Variants in JAZF1 observed in about 807,000 individuals in gnomAD.
The protein encoded by JAZF1 is juxtaposed with another zinc finger protein 1.
JAZF1 carries 8 observed loss-of-function variants against 26.4 expected under a neutral mutation model. The observed-to-expected ratio is 0.30, with a 90% CI of 0.18 to 0.55. The LOEUF is 0.55. Among genes scored for constraint, JAZF1 ranks in the 20% least tolerant of loss-of-function variants. The pLI, the probability that JAZF1 is intolerant of heterozygous loss-of-function variation, is 0.94. For synonymous variants in JAZF1, 126 were observed against 122.3 expected, an observed-to-expected ratio of 1.03 and a Z score of -0.20; for missense variants, 199 against 322.0, an observed-to-expected ratio of 0.62 and a Z score of 2.92.
chr7:27,854,877 C>G (rs957030774), intron 3 of JAZF1, among the ~76,000 whole-genome samples: 24 of 152,100 alleles, frequency 1.6e-4, no homozygotes, highest in African/African-American at 5.3e-4. Flanking sequence ...TTGTAGTATT[C>G]TCTGTATTTC....
At position 28,101,576 on chromosome 7, in the gene JAZF1, T is replaced by TAAA. The variant is rs56321937; in HGVS notation, c.115+78884_115+78886dup. ...AGCATAATGAGACTCATTTCTATAT[T>TAAA]AAAAAAAAAAAAAAAAAAAAAGCCT... On this transcript the variant is annotated intron_variant, in intron 1 of 4. Coordinates refer to ENST00000283928, the MANE Select transcript of JAZF1 (RefSeq NM_175061.4). Among the ~76,000 whole-genome samples, 157 of 97,962 alleles carry TAAA rather than the reference T, an allele frequency of 1.6e-3. 10 individuals carry two copies. The highest frequency in any genetic ancestry group is 5.7e-3 in the African/African-American group (135 of 23,736). 64.3% of individuals were successfully genotyped at this position (97,962 alleles called of 152,430 possible).
chr7:28,052,969 TACA>T (rs2128380552), intron 1 of JAZF1, among the ~76,000 whole-genome samples: 1 of 152,314 alleles, frequency 6.6e-6, no homozygotes, highest in East Asian at 1.9e-4. Flanking sequence ...GGAAACTCTA[TACA>T]ATTAAATACT....
intron 1 of JAZF1, among the ~76,000 whole-genome samples, chr7:28,148,048 G>C (rs1192401816): frequency 3.3e-5 from 5 of 150,974 alleles, no homozygotes; most frequent in African/African-American, 1.2e-4. Context: ...TATATAATGT[G>C]GTATGTCACT....
chr7:28,034,792 G>T (rs1420009622), intron 1 of JAZF1, among the ~76,000 whole-genome samples: 1 of 152,162 alleles, frequency 6.6e-6, no homozygotes, highest in Admixed American at 6.5e-5. Context: ...CAGAAACAGA[G>T]ATCTGGATGA....
chr7:28,043,016 T>A (rs73683946), intron 1 of JAZF1, among the ~76,000 whole-genome samples: 2 of 152,130 alleles, frequency 1.3e-5, no homozygotes, highest in Non-Finnish European at 2.9e-5. Flanking sequence ...AGTCTCCTGC[T>A]GTACTATGAT....
In JAZF1 at chr7:28,110,205, C is replaced by T. The variant is rs895871089; in HGVS notation, c.115+70258G>A. 4.6e-5 allele frequency among the ~76,000 whole-genome samples: 7 copies of T among 152,152 alleles called. No individual in the cohort carries two copies. The South Asian group carries it at 1.0e-3, about 23-fold the overall frequency. ...CTTTGGGAGGCCAAGGTGGGCAGAT[C>T]ACCTGAGGTCAGGAGTTCGAGACCA... On this transcript the variant is annotated intron_variant, in intron 1 of 4. Coordinates refer to ENST00000283928, the MANE Select transcript of JAZF1 (RefSeq NM_175061.4).
chr7:28,001,351 C>CA (rs929409305), intron 1 of JAZF1, among the ~76,000 whole-genome samples: 48 of 146,456 alleles, frequency 3.3e-4, no homozygotes, highest in Non-Finnish European at 6.0e-4. Flanking sequence ...GACCCTGTCT[C>CA]AAAAAAAACA....
At chr7:28,099,576 A>G (rs1784438763) in intron 1 of JAZF1, among the ~76,000 whole-genome samples, 1 of 152,092 alleles carries the variant, frequency 6.6e-6, no homozygotes, top group African/African-American at 2.4e-5. Context: ...TCCCAGGTTC[A>G]AGCATTTCTC....
At chr7:28,023,857 T>C (rs1783046632) in intron 1 of JAZF1, among the ~76,000 whole-genome samples, 1 of 152,188 alleles carries the variant, frequency 6.6e-6, no homozygotes, top group African/African-American at 2.4e-5. Context: ...GCTATAGATA[T>C]AAATGCTTCA....
chr7:27,857,574 A>C (rs1197757708), intron 3 of JAZF1, among the ~76,000 whole-genome samples: 2 of 152,256 alleles, frequency 1.3e-5, no homozygotes, highest in African/African-American at 4.8e-5. Flanking sequence ...CACCTCTCAC[A>C]AGGCTGGTTC....
intron 1 of JAZF1, among the ~76,000 whole-genome samples, chr7:28,041,776 C>T (rs981983400): frequency 2.6e-5 from 4 of 152,194 alleles, no homozygotes; most frequent in Non-Finnish European, 5.9e-5. Context: ...CTGAGATACT[C>T]ATCTTGAGTA....
intron 1 of JAZF1, among the ~76,000 whole-genome samples, chr7:28,151,053 C>A (rs1783104417): frequency 6.6e-6 from 1 of 151,826 alleles, no homozygotes; most frequent in Non-Finnish European, 1.5e-5. Flanking sequence ...GGAAAGGCAT[C>A]CAAATGTTAA....
At chr7:27,913,480 A>T (rs927848813) in intron 2 of JAZF1, 7 of 390,194 alleles carry the variant, frequency 1.8e-5, no homozygotes, top group African/African-American at 1.6e-4. Flanking sequence ...GTGGGGAACA[A>T]AGAGACCCCA....
intron 1 of JAZF1, among the ~76,000 whole-genome samples, chr7:28,022,376 C>T (rs1419276751): frequency 6.6e-6 from 1 of 152,200 alleles, no homozygotes; most frequent in Non-Finnish European, 1.5e-5. Context: ...CCACCTTTTC[C>T]TGACCGTTCT....
At chr7:27,845,319 T>C (rs1276651959) in intron 3 of JAZF1, among the ~76,000 whole-genome samples, 8 of 152,160 alleles carry the variant, frequency 5.3e-5, no homozygotes, top group Non-Finnish European at 1.2e-4. Context: ...TGGGGAACTC[T>C]GGACTGGGGG....
chr7:27,954,455 G>A (rs1033258960), intron 2 of JAZF1, among the ~76,000 whole-genome samples: 1 of 152,126 alleles, frequency 6.6e-6, no homozygotes, highest in Middle Eastern at 3.2e-3. Context: ...CTTTGGCAGG[G>A]CATCCTTGTC....
At chr7:28,159,662 C>T (rs893567604) in intron 1 of JAZF1, among the ~76,000 whole-genome samples, 6 of 152,114 alleles carry the variant, frequency 3.9e-5, no homozygotes, top group Non-Finnish European at 7.4e-5. Flanking sequence ...AAAGTAGAGG[C>T]AGGGAGGCCC....
intron 1 of JAZF1, among the ~76,000 whole-genome samples, chr7:28,013,874 T>G (rs1782839605): frequency 6.6e-6 from 1 of 152,172 alleles, no homozygotes; most frequent in Non-Finnish European, 1.5e-5. Context: ...CCACTACTAT[T>G]CAGAATTAGG....
intron 2 of JAZF1, among the ~76,000 whole-genome samples, chr7:27,929,955 T>TCTCTCTCTCTCTCC (rs1562532101): frequency 8.1e-5 from 12 of 148,786 alleles, no homozygotes; most frequent in Middle Eastern, 3.2e-3. Flanking sequence ...TCTCTCTCTC[T>TCTCTCTCTCTCTCC]CTCTCCCCCT....
Sources: allele counts gnomAD v4.1 joint callset (sites outside exome capture counted in the v4.1 genomes callset), GRCh38; gene constraint gnomAD v4.1.1; transcripts MANE v1.5; gene names NCBI Gene and HGNC (gene_info 2026-07-23, HGNC 2026-07-21).